BBX: variants seen among roughly 807,000 people sequenced by gnomAD.
The protein encoded by BBX is HMG box transcription factor BBX.
Under a neutral mutation model 100.2 loss-of-function variants are expected in BBX, and 30 were observed. The observed-to-expected ratio is 0.30, with a 90% CI of 0.22 to 0.41. The LOEUF (loss-of-function observed/expected upper bound fraction) is 0.41, where lower values mean the gene tolerates loss of function less well. Among genes scored for constraint, BBX ranks in the 10% least tolerant of loss-of-function variants. The pLI is 1.00. For missense variants in BBX, 1,023 were observed against 1,129.8 expected (o/e 0.91, Z 1.35); for synonymous variants, 376 against 388.1 (o/e 0.97, Z 0.37).
chr3:107,784,199 A>G (rs1213078450), intron 13 of BBX, among the ~76,000 whole-genome samples: 4 of 152,048 alleles, frequency 2.6e-5, no homozygotes, highest in Admixed American at 1.3e-4. Flanking sequence ...TAAGCAAAAT[A>G]TATAATTTGT....
At chr3:107,712,996 A>G (rs925528969) in intron 4 of BBX, among the ~76,000 whole-genome samples, 2 of 152,208 alleles carry the variant, frequency 1.3e-5, no homozygotes, top group Non-Finnish European at 2.9e-5. Flanking sequence ...TATCCTGCAG[A>G]CATAGGTATC....
intron 10 of BBX, among the ~76,000 whole-genome samples, chr3:107,767,842 C>T (rs535872384): frequency 2.0e-5 from 3 of 151,862 alleles, no homozygotes; most frequent in South Asian, 2.1e-4. Context: ...CCTGCTTCCA[C>T]GTAGGTTCTA....
At chr3:107,635,413 A>G (rs990262220) in intron 2 of BBX, among the ~76,000 whole-genome samples, 3 of 152,246 alleles carry the variant, frequency 2.0e-5, no homozygotes, top group East Asian at 1.9e-4. Context: ...ACTGCCATCC[A>G]TAAGCAAATT....
intron 2 of BBX, among the ~76,000 whole-genome samples, chr3:107,580,760 T>C (rs1225740755): frequency 6.6e-6 from 1 of 152,198 alleles, no homozygotes; most frequent in Non-Finnish European, 1.5e-5. Context: ...GCCTCCCCAG[T>C]AGCTGGGATT....
chr3:107,593,131 CAATT>C (rs2053452896), intron 2 of BBX, among the ~76,000 whole-genome samples: 1 of 152,170 alleles, frequency 6.6e-6, no homozygotes, highest in Non-Finnish European at 1.5e-5. Context: ...TAACAGGAGT[CAATT>C]AATCAACCAA....
chr3:107,590,343 CGTA>C (rs917306243), intron 2 of BBX, among the ~76,000 whole-genome samples: 31 of 152,144 alleles, frequency 2.0e-4, no homozygotes, highest in African/African-American at 6.7e-4. Context: ...ATCAGATCAG[CGTA>C]GTTGGGATAT....
At chr3:107,584,064 CATATATTAT>C (rs2052541885) in intron 2 of BBX, among the ~76,000 whole-genome samples, 1 of 10,242 alleles carries the variant, frequency 9.8e-5, no homozygotes, top group South Asian at 1.4e-3. Context: ...TTATATATAT[CATATATTAT>C]ATATATTATA....
chr3:107,658,530 G>A (rs542834698), intron 3 of BBX, among the ~76,000 whole-genome samples: 3 of 152,210 alleles, frequency 2.0e-5, no homozygotes, highest in South Asian at 4.1e-4. Flanking sequence ...AGATCCTTTA[G>A]AAAGCCCTTT....
At chr3:107,659,540 G>A (rs964783440) in intron 3 of BBX, 5 of 305,948 alleles carry the variant, frequency 1.6e-5, no homozygotes, top group Admixed American at 4.7e-5. Flanking sequence ...AGTACTGGTA[G>A]GTGCTTCTTT....
intron 2 of BBX, among the ~76,000 whole-genome samples, chr3:107,552,229 A>G (rs933394599): frequency 6.6e-6 from 1 of 151,546 alleles, no homozygotes; most frequent in African/African-American, 2.4e-5. Context: ...CTGTACTCCC[A>G]GCTACCTGGG....
At chr3:107,622,302 C>T (rs774082005) in intron 2 of BBX, among the ~76,000 whole-genome samples, 1 of 152,060 alleles carries the variant, frequency 6.6e-6, no homozygotes, top group South Asian at 2.1e-4. Context: ...ATCAGTAGTT[C>T]GTTATATGTA....
At chr3:107,721,858 G>A (rs941826415) in intron 5 of BBX, among the ~76,000 whole-genome samples, 1 of 151,910 alleles carries the variant, frequency 6.6e-6, no homozygotes, top group Non-Finnish European at 1.5e-5. Flanking sequence ...TACAAATAAG[G>A]AAATATATGT....
At chr3:107,707,544 G>A (rs1369223368) in intron 3 of BBX, among the ~76,000 whole-genome samples, 1 of 152,118 alleles carries the variant, frequency 6.6e-6, no homozygotes, top group Non-Finnish European at 1.5e-5. Context: ...GAGGTATGAT[G>A]TATCTAAATA....
intron 12 of BBX, among the ~76,000 whole-genome samples, chr3:107,776,946 G>A (rs1267469744): frequency 6.6e-6 from 1 of 152,066 alleles, no homozygotes; most frequent in African/African-American, 2.4e-5. Flanking sequence ...ACCTCCACCC[G>A]TTACCCTTTA....
chr3:107,706,287 C>G (rs2061394624), intron 3 of BBX, among the ~76,000 whole-genome samples: 1 of 152,130 alleles, frequency 6.6e-6, no homozygotes, highest in African/African-American at 2.4e-5. Context: ...TCCCAAAATG[C>G]TGGGAGATTA....
At chr3:107,523,689 G>T (rs1156342933) in intron 1 of BBX, 1 of 152,448 alleles carries the variant, frequency 6.6e-6, no homozygotes, top group Admixed American at 6.5e-5. Context: ...TGCCGGGGAG[G>T]TGGGGCCTGG....
At chr3:107,662,900 A>G (rs2058537380) in intron 3 of BBX, 1 of 152,180 alleles carries the variant, frequency 6.6e-6, no homozygotes, top group South Asian at 2.1e-4. Flanking sequence ...ACTCGCGGAT[A>G]CTTAAAAATA....
chr3:107,757,345 C>G (rs1371395340), intron 10 of BBX, among the ~76,000 whole-genome samples: 1 of 151,970 alleles, frequency 6.6e-6, no homozygotes, highest in Non-Finnish European at 1.5e-5. Context: ...AAAAAGAACA[C>G]TCTTCTAATT....
intron 2 of BBX, among the ~76,000 whole-genome samples, chr3:107,540,755 G>A (rs2048810256): frequency 6.6e-6 from 1 of 152,140 alleles, no homozygotes; most frequent in Admixed American, 6.5e-5. Context: ...CTGCTATCCT[G>A]TTCCTTCTTC....
Sources: allele counts gnomAD v4.1 joint callset (sites outside exome capture counted in the v4.1 genomes callset), GRCh38; gene constraint gnomAD v4.1.1; transcripts MANE v1.5; gene names NCBI Gene and HGNC (gene_info 2026-07-23, HGNC 2026-07-21).